The following NT5DC1 variants were observed in gnomAD, a reference collection of about 807,000 sequenced individuals.
NT5DC1 encodes the protein 5'-nucleotidase domain-containing protein 1.
In NT5DC1, 42 loss-of-function variants were observed where a neutral mutation model predicts 59.4. The observed-to-expected ratio is 0.71, with a 90% CI of 0.55 to 0.92. NT5DC1 has a LOEUF of 0.92. Among genes scored for constraint, NT5DC1 ranks in the 40% least tolerant of loss-of-function variants. The pLI is 0.00. For synonymous variants in NT5DC1, 172 were observed against 188.1 expected, an observed-to-expected ratio of 0.91 and a Z score of 0.70; for missense variants, 501 against 537.1, an observed-to-expected ratio of 0.93 and a Z score of 0.66.
chr6:116,156,981 C>T (rs1780210589), intron 6 of NT5DC1, among the ~76,000 whole-genome samples: 1 of 152,122 alleles, frequency 6.6e-6, no homozygotes, highest in Non-Finnish European at 1.5e-5. Context: ...TTTTCCTCAT[C>T]ATAGCTTGTT....
chr6:116,140,197 C>A (rs1249068821), intron 6 of NT5DC1, among the ~76,000 whole-genome samples: 1 of 152,114 alleles, frequency 6.6e-6, no homozygotes, highest in Non-Finnish European at 1.5e-5. Context: ...TTCAAGTATT[C>A]CTCTTCTGTT....
intron 6 of NT5DC1, among the ~76,000 whole-genome samples, chr6:116,177,587 T>C (rs2114465176): frequency 6.6e-6 from 1 of 152,274 alleles, no homozygotes; most frequent in East Asian, 1.9e-4. Context: ...AAGTAAAATA[T>C]TAACAGTTGC....
chr6:116,136,994 A>G (rs1013358163), intron 6 of NT5DC1: 23 of 164,444 alleles, frequency 1.4e-4, no homozygotes, highest in South Asian at 5.2e-4. Context: ...TGGAATACAC[A>G]CAAACACAGG....
intron 6 of NT5DC1, among the ~76,000 whole-genome samples, chr6:116,139,979 G>C (rs1375266865): frequency 6.6e-6 from 1 of 152,040 alleles, no homozygotes; most frequent in Non-Finnish European, 1.5e-5. Context: ...CAGGTGTTTT[G>C]CTTTTCTTAT....
chr6:116,122,664 C>T (rs921926788), intron 6 of NT5DC1, among the ~76,000 whole-genome samples: 5 of 152,130 alleles, frequency 3.3e-5, no homozygotes, highest in Non-Finnish European at 5.9e-5. Flanking sequence ...AATCATAGTG[C>T]CTGTGATGTG....
At chr6:116,220,190 C>T (rs1357598935) in intron 6 of NT5DC1, among the ~76,000 whole-genome samples, 1 of 116,394 alleles carries the variant, frequency 8.6e-6, no homozygotes. Context: ...AAAGTAAAAT[C>T]TTGAATCCTT....
chr6:116,121,973 AC>A, intron 6 of NT5DC1: 1 of 1,604,960 alleles, frequency 6.2e-7, no homozygotes. Context: ...TAAAAGACAC[AC>A]CCAACACACC....
intron 6 of NT5DC1, among the ~76,000 whole-genome samples, chr6:116,156,398 T>A (rs1276697927): frequency 6.6e-6 from 1 of 152,216 alleles, no homozygotes; most frequent in Admixed American, 6.5e-5. Context: ...GTAGGCACTT[T>A]GAGGTTGAAA....
chr6:116,163,798 A>G (rs1360079417), intron 6 of NT5DC1, among the ~76,000 whole-genome samples: 1 of 152,052 alleles, frequency 6.6e-6, no homozygotes, highest in East Asian at 1.9e-4. Flanking sequence ...CCTAGATTTG[A>G]TATGTTACAT....
chr6:116,220,455 C>G (rs922972201), intron 6 of NT5DC1, among the ~76,000 whole-genome samples: 3 of 152,174 alleles, frequency 2.0e-5, no homozygotes, highest in Admixed American at 6.5e-5. Context: ...ATTCATTGTT[C>G]CCTGTCAAAT....
intron 6 of NT5DC1, among the ~76,000 whole-genome samples, chr6:116,189,558 T>C (rs1781074635): frequency 6.6e-6 from 1 of 151,952 alleles, no homozygotes; most frequent in South Asian, 2.1e-4. Context: ...TTGGATGACA[T>C]TGAGTTGTGC....
intron 6 of NT5DC1, among the ~76,000 whole-genome samples, chr6:116,146,416 T>C (rs1308856655): frequency 1.3e-5 from 2 of 152,120 alleles, no homozygotes; most frequent in African/African-American, 4.8e-5. Flanking sequence ...TCTCAGAAGC[T>C]CCATGACAAT....
At chr6:116,238,464 T>TAAAAAAAAAA (rs56266433) in intron 10 of NT5DC1, 116 bp downstream of exon 10, 1 of 248,832 alleles carries the variant, frequency 4.0e-6, no homozygotes, top group African/African-American at 2.4e-5. Context: ...ACCATCATGT[T>TAAAAAAAAAA]AAAAAAAAAA....
At chr6:116,218,951 A>G (rs1781739866) in intron 6 of NT5DC1, among the ~76,000 whole-genome samples, 1 of 152,164 alleles carries the variant, frequency 6.6e-6, no homozygotes, top group Non-Finnish European at 1.5e-5. Context: ...CAGAAGTTGA[A>G]TGGTACTTCC....
intron 6 of NT5DC1, among the ~76,000 whole-genome samples, chr6:116,178,052 A>AGT (rs61085607): frequency 0.11 from 14,298 of 136,046 alleles, 955 homozygotes; most frequent in East Asian, 0.28. Context: ...CAAAGAGGAA[A>AGT]GTGTGTGTGT....
chr6:116,243,889 A>C lies in NT5DC1; in HGVS notation c.1253-20A>C. The C allele has an allele frequency of 2.1e-6, 2 of 970,472 alleles. No individual in the cohort carries two copies. The highest frequency in any genetic ancestry group is 1.4e-5 in the South Asian group (1 of 70,040). The allele number at this position is 970,472 out of a possible 1,614,324, so 60.1% of individuals were successfully genotyped here. On this transcript the variant is annotated intron_variant, in intron 11 of 11. Transcript: ENST00000319550. ...CATTCAGAGACCTGTGCAATAATTA[A>C]ATTTTTTTTTCCTCCCCAGAATTAC...
chr6:116,242,194 C>G (rs958700335), intron 11 of NT5DC1, among the ~76,000 whole-genome samples: 1 of 151,298 alleles, frequency 6.6e-6, no homozygotes, highest in Non-Finnish European at 1.5e-5. Context: ...CACGGTGAAA[C>G]CCCATCTCTA....
At chr6:116,208,894 C>G (rs997143214) in intron 6 of NT5DC1, among the ~76,000 whole-genome samples, 1 of 151,912 alleles carries the variant, frequency 6.6e-6, no homozygotes, top group Admixed American at 6.6e-5. Flanking sequence ...ATAGAGAACC[C>G]AGGCCAGAGA....
At chr6:116,186,611 T>A (rs1411257104) in intron 6 of NT5DC1, among the ~76,000 whole-genome samples, 1 of 152,080 alleles carries the variant, frequency 6.6e-6, no homozygotes, top group Non-Finnish European at 1.5e-5. Flanking sequence ...TGGATTGAGT[T>A]AATTTGAAAG....
Sources: gnomAD v4.1 joint callset for allele counts (sites outside exome capture counted in the v4.1 genomes callset) on GRCh38, gnomAD v4.1.1 for gene constraint, MANE v1.5 for transcripts, NCBI Gene and HGNC (gene_info 2026-07-23, HGNC 2026-07-21) for gene names.